The following CDH2 variants were observed in gnomAD, a reference collection of about 807,000 sequenced individuals.
CDH2 encodes the protein cadherin-2.
Under a neutral mutation model 92.0 loss-of-function variants are expected in CDH2, and 17 were observed. That is an observed-to-expected ratio of 0.18 (90% CI 0.13 to 0.28). The LOEUF (loss-of-function observed/expected upper bound fraction) is 0.28. Among genes scored for constraint, CDH2 ranks in the 10% least tolerant of loss-of-function variants. The probability of loss-of-function intolerance (pLI) is 1.00; values close to 1 mark genes in which losing one functional copy is unlikely to be tolerated. For synonymous variants in CDH2, 419 were observed against 415.9 expected (o/e 1.01, Z -0.09); for missense variants, 862 against 1,133.1 (o/e 0.76, Z 3.44).
intron 2 of CDH2, among the ~76,000 whole-genome samples, chr18:28,111,264 G>A (rs2015408209): frequency 6.6e-6 from 1 of 152,208 alleles, no homozygotes; most frequent in Non-Finnish European, 1.5e-5. Context: ...GAGCCCACTT[G>A]CTGACCTAGA....
chr18:28,010,172 T>C (rs1311689793), intron 4 of CDH2, among the ~76,000 whole-genome samples: 2 of 152,190 alleles, frequency 1.3e-5, no homozygotes, highest in African/African-American at 4.8e-5. Flanking sequence ...TCAAACTCTG[T>C]CCTGGGAGTT....
chr18:28,109,448 A>G (rs1271958952), intron 2 of CDH2, among the ~76,000 whole-genome samples: 1 of 152,196 alleles, frequency 6.6e-6, no homozygotes, highest in Non-Finnish European at 1.5e-5. Flanking sequence ...CGGTAGTTAA[A>G]GAGGAAGATT....
Position 27,982,949 on chromosome 18 carries a change from C to A in CDH2, c.2344G>T (p.Asp782Tyr). ...KYDEEGGGEE[D>Y]QDYDLSQLQQ... Reference sequence around the variant, plus strand: ...AGATTTAAAGCACTGCTCACCTGGTCTTCTTCTCCTCCACCTTCTTCATCA... The same window carrying A: ...AGATTTAAAGCACTGCTCACCTGGTATTCTTCTCCTCCACCTTCTTCATCA... Residue 782 changes from aspartate to tyrosine, a missense_variant, in exon 14 of 16, where the codon GAC becomes TAC. Physicochemically the swap from Asp to Tyr is radical, Grantham distance 160. Coordinates refer to ENST00000269141, the MANE Select transcript of CDH2 (RefSeq NM_001792.5). 1 of 1,594,644 alleles carries A rather than the reference C, an allele frequency of 6.3e-7. No individual in the cohort carries two copies.
intron 15 of CDH2, among the ~76,000 whole-genome samples, chr18:27,962,550 T>A (rs2011434684): frequency 6.6e-6 from 1 of 152,208 alleles, no homozygotes; most frequent in Non-Finnish European, 1.5e-5. Flanking sequence ...CTGAGACCTA[T>A]TCTGATCTTG....
intron 2 of CDH2, among the ~76,000 whole-genome samples, chr18:28,044,272 A>G (rs981412040): frequency 2.6e-5 from 4 of 152,112 alleles, no homozygotes; most frequent in Admixed American, 2.0e-4. Flanking sequence ...CAGCTGCGCT[A>G]ATTTGCTGGC....
chr18:28,148,091 G>A (rs1295132694), intron 1 of CDH2, among the ~76,000 whole-genome samples: 1 of 152,128 alleles, frequency 6.6e-6, no homozygotes, highest in Non-Finnish European at 1.5e-5. Context: ...AAGTGGGCGT[G>A]GGGTTTGGGG....
chr18:27,984,910 C>A (rs1276120237), intron 13 of CDH2, 90 bp downstream of exon 13: 7 of 949,078 alleles, frequency 7.4e-6, no homozygotes, highest in Non-Finnish European at 1.1e-5. Flanking sequence ...GGTTGTTAGA[C>A]TACTTTGCCA....
At chr18:28,054,132 G>A (rs1012954586) in intron 2 of CDH2, among the ~76,000 whole-genome samples, 2 of 152,126 alleles carry the variant, frequency 1.3e-5, no homozygotes, top group African/African-American at 4.8e-5. Flanking sequence ...GATTAAAAGT[G>A]GACTGGCTTC....
intron 2 of CDH2, among the ~76,000 whole-genome samples, chr18:28,073,213 T>G (rs2014654189): frequency 6.6e-6 from 1 of 152,196 alleles, no homozygotes. Flanking sequence ...AAATATTTAC[T>G]ACATCGATAA....
intron 2 of CDH2, among the ~76,000 whole-genome samples, chr18:28,076,262 C>T (rs975203742): frequency 1.3e-5 from 2 of 152,118 alleles, no homozygotes; most frequent in African/African-American, 4.8e-5. Flanking sequence ...CATTTTGTTA[C>T]CTGCTGATGT....
At chr18:28,134,345 T>C (rs971963017) in intron 2 of CDH2, among the ~76,000 whole-genome samples, 7 of 152,220 alleles carry the variant, frequency 4.6e-5, no homozygotes, top group South Asian at 2.1e-4. Context: ...ACCAACTACC[T>C]GTCCCCTTCC....
intron 7 of CDH2, among the ~76,000 whole-genome samples, chr18:27,998,102 G>A (rs927939795): frequency 6.6e-6 from 1 of 152,084 alleles, no homozygotes; most frequent in African/African-American, 2.4e-5. Flanking sequence ...CACCACTCCT[G>A]GCCAACTCTG....
chr18:28,007,193 T>TATATATATATATATATATATATATAC (rs778626652), intron 5 of CDH2, among the ~76,000 whole-genome samples: 3 of 142,172 alleles, frequency 2.1e-5, no homozygotes, highest in Admixed American at 7.0e-5. Context: ...TATATATATA[T>TATATATATATATATATATATATATAC]ACGAGTATAT....
At chr18:28,088,604 T>G (rs11564398) in intron 2 of CDH2, among the ~76,000 whole-genome samples, 1 of 151,904 alleles carries the variant, frequency 6.6e-6, no homozygotes, top group Non-Finnish European at 1.5e-5. Flanking sequence ...CTGGGGCCTA[T>G]GTAAGTCTGT....
intron 2 of CDH2, among the ~76,000 whole-genome samples, chr18:28,135,898 T>C (rs2015854252): frequency 6.6e-6 from 1 of 152,216 alleles, no homozygotes; most frequent in Non-Finnish European, 1.5e-5. Flanking sequence ...AAATTATGCA[T>C]ATTTTTCCAC....
intron 2 of CDH2, among the ~76,000 whole-genome samples, chr18:28,048,416 T>C (rs1396912084): frequency 6.6e-6 from 1 of 152,188 alleles, no homozygotes; most frequent in East Asian, 1.9e-4. Flanking sequence ...GATCTTACTA[T>C]ATTAAATGTG....
At chr18:27,935,868 A>G (rs1239102795) in intron 6 of CDH2, among the ~76,000 whole-genome samples, 1 of 152,338 alleles carries the variant, frequency 6.6e-6, no homozygotes, top group Admixed American at 6.5e-5. Flanking sequence ...GTCTCTTAAG[A>G]ATTAAAAAGC....
chr18:28,048,139 T>TTCCTG (rs1463972047), intron 2 of CDH2, among the ~76,000 whole-genome samples: 1 of 152,114 alleles, frequency 6.6e-6, no homozygotes, highest in Non-Finnish European at 1.5e-5. Context: ...CTTAAAACAA[T>TTCCTG]TCCTGTAATA....
intron 15 of CDH2, among the ~76,000 whole-genome samples, chr18:27,958,289 C>T (rs962905525): frequency 2.7e-5 from 4 of 150,876 alleles, no homozygotes; most frequent in African/African-American, 9.7e-5. Flanking sequence ...AAAAGACAAG[C>T]ATTTTAAACT....
Sources: allele counts gnomAD v4.1 joint callset (sites outside exome capture counted in the v4.1 genomes callset), GRCh38; gene constraint gnomAD v4.1.1; transcripts MANE v1.5; gene names NCBI Gene and HGNC (gene_info 2026-07-23, HGNC 2026-07-21).